The following ROBO2 variants were observed in gnomAD, a reference collection of about 807,000 sequenced individuals.
The protein encoded by ROBO2 is roundabout homolog 2.
Under a neutral mutation model 160.8 loss-of-function variants are expected in ROBO2, and 53 were observed. The ratio of observed to expected loss-of-function variants is 0.33; its 90% CI spans 0.26 to 0.41. The LOEUF (loss-of-function observed/expected upper bound fraction) is 0.41. Among genes scored for constraint, ROBO2 ranks in the 10% least tolerant of loss-of-function variants. The pLI is 1.00. For synonymous variants in ROBO2, 664 were observed against 611.7 expected (o/e 1.09, Z -1.26); for missense variants, 1,577 against 1,722.4 (o/e 0.92, Z 1.49).
chr3:77,387,524 C>G (rs2074264271), intron 2 of ROBO2, among the ~76,000 whole-genome samples: 1 of 151,982 alleles, frequency 6.6e-6, no homozygotes, highest in South Asian at 2.1e-4. Flanking sequence ...TTTGAAGTTT[C>G]CTTTTGATAG....
chr3:76,337,814 G>T (rs1284125595), intron 2 of ROBO2, among the ~76,000 whole-genome samples: 1 of 152,130 alleles, frequency 6.6e-6, no homozygotes, highest in Non-Finnish European at 1.5e-5. Context: ...CTCAATAGTT[G>T]TCTATTGTCA....
intron 2 of ROBO2, among the ~76,000 whole-genome samples, chr3:76,947,797 C>T (rs767631209): frequency 1.2e-4 from 18 of 152,084 alleles, no homozygotes; most frequent in Non-Finnish European, 2.1e-4. Context: ...CTCATCTGAA[C>T]GTACTACTTT....
At chr3:77,060,233 G>A (rs1291628175) in intron 1 of ROBO2, among the ~76,000 whole-genome samples, 1 of 152,148 alleles carries the variant, frequency 6.6e-6, no homozygotes, top group Non-Finnish European at 1.5e-5. Flanking sequence ...AGGAATGAGG[G>A]TTGTCCTCTG....
chr3:75,994,330 G>A (rs1359777555), intron 2 of ROBO2, among the ~76,000 whole-genome samples: 2 of 152,098 alleles, frequency 1.3e-5, no homozygotes, highest in Admixed American at 6.5e-5. Context: ...AAATTGATAT[G>A]GTTTGGCTGT....
At chr3:77,007,921 T>C (rs1487464741) in intron 2 of ROBO2, among the ~76,000 whole-genome samples, 1 of 152,050 alleles carries the variant, frequency 6.6e-6, no homozygotes, top group Non-Finnish European at 1.5e-5. Context: ...ATGTACAATA[T>C]TGTTATTTTA....
chr3:77,196,258 C>G (rs1445052237), intron 2 of ROBO2, among the ~76,000 whole-genome samples: 1 of 151,140 alleles, frequency 6.6e-6, no homozygotes, highest in Non-Finnish European at 1.5e-5. Context: ...GTACGAATGT[C>G]TGTAGGATTA....
At chr3:77,503,342 G>A (rs554999925) in intron 5 of ROBO2, among the ~76,000 whole-genome samples, 1 of 151,366 alleles carries the variant, frequency 6.6e-6, no homozygotes, top group African/African-American at 2.4e-5. Flanking sequence ...TGACTAACAC[G>A]GTGAAACCCC....
intron 2 of ROBO2, among the ~76,000 whole-genome samples, chr3:77,303,798 C>CAT (rs1238031169): frequency 1.3e-5 from 2 of 151,730 alleles, no homozygotes; most frequent in African/African-American, 4.8e-5. Flanking sequence ...ATTTTATATA[C>CAT]ATATATATAC....
intron 2 of ROBO2, among the ~76,000 whole-genome samples, chr3:76,055,313 C>A (rs1309004410): frequency 1.3e-5 from 2 of 152,090 alleles, no homozygotes; most frequent in Non-Finnish European, 1.5e-5. Context: ...ATCAGGCAGA[C>A]CTTATTAATT....
intron 2 of ROBO2, among the ~76,000 whole-genome samples, chr3:76,345,416 G>T (rs1331557282): frequency 7.4e-6 from 1 of 134,232 alleles, no homozygotes; most frequent in Non-Finnish European, 1.6e-5. Flanking sequence ...TCAAGAGTAG[G>T]CAGGATATCT....
intron 2 of ROBO2, among the ~76,000 whole-genome samples, chr3:77,372,534 TA>T (rs983334632): frequency 6.6e-6 from 1 of 152,162 alleles, no homozygotes; most frequent in African/African-American, 2.4e-5. Context: ...GCATAAAACA[TA>T]ACCATCAGTA....
chr3:76,363,427 C>T (rs1455451416), intron 2 of ROBO2, among the ~76,000 whole-genome samples: 6 of 152,030 alleles, frequency 3.9e-5, no homozygotes, highest in South Asian at 2.1e-4. Flanking sequence ...TAAACCACCA[C>T]GTTTATTCTC....
intron 2 of ROBO2, among the ~76,000 whole-genome samples, chr3:76,680,376 G>T (rs959763342): frequency 7.0e-6 from 1 of 143,728 alleles, no homozygotes; most frequent in Admixed American, 6.9e-5. Flanking sequence ...AAAAAAAAAC[G>T]GCGAACAAAA....
At chr3:76,192,392 TG>T (rs1702050192) in intron 2 of ROBO2, among the ~76,000 whole-genome samples, 1 of 152,062 alleles carries the variant, frequency 6.6e-6, no homozygotes. Context: ...TTATTCTTGT[TG>T]GTATAAAAAT....
intron 2 of ROBO2, among the ~76,000 whole-genome samples, chr3:77,324,964 T>C (rs2065230957): frequency 6.6e-6 from 1 of 152,096 alleles, no homozygotes; most frequent in Non-Finnish European, 1.5e-5. Context: ...GCCAAGATGC[T>C]GTAGGTAGGA....
chr3:76,780,008 C>T (rs1377197231), intron 2 of ROBO2, among the ~76,000 whole-genome samples: 1 of 150,804 alleles, frequency 6.6e-6, no homozygotes, highest in Non-Finnish European at 1.5e-5. Context: ...AATTTTTGTT[C>T]CCACCAACAG....
chr3:77,218,617 C>T (rs572223768), intron 2 of ROBO2, among the ~76,000 whole-genome samples: 26 of 152,172 alleles, frequency 1.7e-4, no homozygotes, highest in Admixed American at 2.0e-4. Flanking sequence ...TTTGATCCAC[C>T]CACCTTGGCC....
In ROBO2 at chr3:76,326,519, GTATATTACATTGCATAATGCA is replaced by G. The variant is rs1244772069; in HGVS notation, c.109+388925_109+388945del. ...TAATGCATATATTACATACATATAT[GTATATTACATTGCATAATGCA>G]TATATTATATTGCATAATGCATATA... On this transcript the variant is annotated intron_variant, in intron 2 of 26. Transcript: ENST00000487694. Among the ~76,000 whole-genome samples, 34 of 150,992 alleles carry G rather than the reference GTATATTACATTGCATAATGCA, an allele frequency of 2.3e-4. 1 individual carries two copies. In the Admixed American group the frequency reaches 2.3e-3, roughly 10 times the overall value.
At chr3:76,152,111 C>T (rs2072232272) in intron 2 of ROBO2, among the ~76,000 whole-genome samples, 2 of 152,060 alleles carry the variant, frequency 1.3e-5, no homozygotes, top group Non-Finnish European at 2.9e-5. Context: ...TGGTAAAGGC[C>T]ATGTGCGGTG....
Sources: gnomAD v4.1 joint callset for allele counts (sites outside exome capture counted in the v4.1 genomes callset) on GRCh38, gnomAD v4.1.1 for gene constraint, MANE v1.5 for transcripts, NCBI Gene and HGNC (gene_info 2026-07-23, HGNC 2026-07-21) for gene names.